ATXN7L1: variants seen among roughly 807,000 people sequenced by gnomAD.
ATXN7L1 encodes ataxin-7-like protein 1.
A neutral mutation model predicts 70.8 loss-of-function variants in ATXN7L1; 15 were observed. That is an observed-to-expected ratio of 0.21 (90% confidence interval 0.14 to 0.33). The LOEUF (loss-of-function observed/expected upper bound fraction) is 0.33, where lower values mean the gene tolerates loss of function less well. Ranked by LOEUF, ATXN7L1 falls within the 10% of genes least tolerant of loss-of-function variation. The pLI is 1.00. For synonymous variants in ATXN7L1, 440 were observed against 445.1 expected, an observed-to-expected ratio of 0.99 and a Z score of 0.14; for missense variants, 975 against 1,097.1, an observed-to-expected ratio of 0.89 and a Z score of 1.57.
At chr7:105,692,969 T>C (rs1791212721) in intron 3 of ATXN7L1, among the ~76,000 whole-genome samples, 1 of 151,874 alleles carries the variant, frequency 6.6e-6, no homozygotes, top group Non-Finnish European at 1.5e-5. Flanking sequence ...CCTCCTGCTT[T>C]GGCCTTCCAA....
At chr7:105,629,259 A>G (rs1294451705) in intron 7 of ATXN7L1, among the ~76,000 whole-genome samples, 1 of 152,166 alleles carries the variant, frequency 6.6e-6, no homozygotes, top group South Asian at 2.1e-4. Context: ...GTTGTCTAGT[A>G]TCTCCCCATT....
chr7:105,613,742 G>T (rs1562886099), intron 10 of ATXN7L1, 120 bp downstream of exon 10: 5 of 1,523,834 alleles, frequency 3.3e-6, no homozygotes, highest in Non-Finnish European at 4.4e-6. Flanking sequence ...TGCCTTCGGG[G>T]AAAACGAGAA....
Position 105,643,108 on chromosome 7 carries a change from C to T in ATXN7L1, c.592G>A (p.Val198Ile), listed in dbSNP as rs1260914886. ...TTAGGAATTTTCTCTAAACTGACTA[C>T]AGGAACTGGAACACTGAAAAATAAA... ...SRDKPCVPVPVVSLEKIPNLV... is the reference protein window; with the variant it reads ...SRDKPCVPVPIVSLEKIPNLV... The change falls in exon 5 of 12, where the codon GTA becomes ATA. Residue 198 changes from valine (V) to isoleucine (I), a missense_variant. This residue lies in a region of ATXN7L1 where 192 missense variants were observed against 215.5 expected (regional missense o/e 0.89). Transcript: ENST00000419735. 1.3e-6 allele frequency: 2 copies of T among 1,524,078 alleles called. No homozygotes were observed. The highest frequency in any genetic ancestry group is 2.5e-5 in the South Asian group (2 of 80,410). The allele number at this position is 1,524,078 out of a possible 1,614,324, so 94.4% of individuals were successfully genotyped here. A position where few individuals can be genotyped will look rare whatever the true frequency, so the allele number is the denominator to read the frequency against.
chr7:105,724,191 G>A (rs1038887262), intron 3 of ATXN7L1, among the ~76,000 whole-genome samples: 2 of 152,044 alleles, frequency 1.3e-5, no homozygotes, highest in African/African-American at 4.8e-5. Context: ...GGCTCTGAGG[G>A]AGAGCCTCTT....
intron 3 of ATXN7L1, among the ~76,000 whole-genome samples, chr7:105,680,421 TGA>T (rs776964513): frequency 6.6e-5 from 10 of 152,186 alleles, no homozygotes; most frequent in Non-Finnish European, 1.3e-4. Context: ...CCCCTCTTGT[TGA>T]GAGAGTTTCT....
intron 3 of ATXN7L1, among the ~76,000 whole-genome samples, chr7:105,742,832 AC>A (rs1346674053): frequency 6.6e-6 from 1 of 152,154 alleles, no homozygotes; most frequent in Non-Finnish European, 1.5e-5. Flanking sequence ...CCAAACACAT[AC>A]GCACAGCCTG....
At chr7:105,844,967 G>T (rs1813759196) in intron 2 of ATXN7L1, among the ~76,000 whole-genome samples, 1 of 152,130 alleles carries the variant, frequency 6.6e-6, no homozygotes, top group Non-Finnish European at 1.5e-5. Flanking sequence ...CACTTTGGGA[G>T]GCTGAGGTGG....
intron 3 of ATXN7L1, chr7:105,761,438 A>G (rs1266659203): frequency 6.2e-7 from 1 of 1,613,998 alleles, no homozygotes; most frequent in Non-Finnish European, 8.5e-7. Flanking sequence ...AGATGCCTTC[A>G]TTTCTCCTGT....
chr7:105,851,293 G>T (rs991771633), intron 2 of ATXN7L1, among the ~76,000 whole-genome samples: 12 of 152,140 alleles, frequency 7.9e-5, no homozygotes, highest in African/African-American at 2.9e-4. Flanking sequence ...CAAGCAGCAG[G>T]GCCAAGAAGT....
At chr7:105,761,258 G>T in intron 3 of ATXN7L1, 1 of 1,532,476 alleles carries the variant, frequency 6.5e-7, no homozygotes. Flanking sequence ...TGCAGTGAAT[G>T]GAAGCTTGTC....
At chr7:105,725,366 C>T (rs1795682442) in intron 3 of ATXN7L1, among the ~76,000 whole-genome samples, 1 of 152,182 alleles carries the variant, frequency 6.6e-6, no homozygotes, top group Non-Finnish European at 1.5e-5. Context: ...AATTACAGGA[C>T]TGTTGGGGGA....
chr7:105,664,845 G>A (rs1384858093), intron 4 of ATXN7L1, among the ~76,000 whole-genome samples: 2 of 151,952 alleles, frequency 1.3e-5, no homozygotes, highest in Admixed American at 1.3e-4. Flanking sequence ...GGGATTACAG[G>A]TGTGAGCGTG....
chr7:105,769,789 T>G (rs887677216), intron 3 of ATXN7L1, among the ~76,000 whole-genome samples: 13 of 152,160 alleles, frequency 8.5e-5, no homozygotes, highest in Admixed American at 5.2e-4. Flanking sequence ...GCATTTTCTT[T>G]TACCTTTTTG....
At chr7:105,713,594 G>A (rs980473730) in intron 3 of ATXN7L1, among the ~76,000 whole-genome samples, 1 of 152,256 alleles carries the variant, frequency 6.6e-6, no homozygotes, top group Non-Finnish European at 1.5e-5. Flanking sequence ...AGCAGGGCCT[G>A]AGGCCCTTAA....
At chr7:105,779,697 G>A (rs10273154) in intron 3 of ATXN7L1, among the ~76,000 whole-genome samples, 6,420 of 152,230 alleles carry the variant, frequency 0.042, 468 homozygotes, top group African/African-American at 0.15. Context: ...CTCAAAAGAT[G>A]ATATCAATAC....
rs544856313 is a variant in ATXN7L1 at position 105,819,561 on chromosome 7, G to A, written c.251-30853C>T. The A allele has an allele frequency of 1.2e-4, 154 of 1,322,414 alleles. No individual in the cohort carries two copies. In the African/African-American group the frequency reaches 1.9e-3, roughly 16 times the overall value. The allele number at this position is 1,322,414 out of a possible 1,614,324, so 81.9% of individuals were successfully genotyped here. A position where few individuals can be genotyped will look rare whatever the true frequency, so the allele number is the denominator to read the frequency against. On this transcript the variant is annotated intron_variant, in intron 2 of 11. Transcript: ENST00000419735. ...CCTGGGCCGCCTGGCGGCCATCGTG[G>A]CTAAGTAGGTACTGCTGGGCCGGAA...
chr7:105,789,645 G>A (rs1226362169), intron 2 of ATXN7L1, among the ~76,000 whole-genome samples: 4 of 152,094 alleles, frequency 2.6e-5, no homozygotes, highest in Middle Eastern at 3.2e-3. Flanking sequence ...GAGTCTTGGC[G>A]CCTCTTGGCT....
chr7:105,750,233 T>C (rs1228860050), intron 3 of ATXN7L1, among the ~76,000 whole-genome samples: 1 of 151,858 alleles, frequency 6.6e-6, no homozygotes, highest in Non-Finnish European at 1.5e-5. Context: ...CAACATACTT[T>C]GTGAGCAGTT....
chr7:105,669,111 C>T (rs1332949588), intron 3 of ATXN7L1, among the ~76,000 whole-genome samples: 1 of 152,070 alleles, frequency 6.6e-6, no homozygotes, highest in African/African-American at 2.4e-5. Context: ...TTGAGACAGT[C>T]TCGCTCTGTT....
Sources: allele counts gnomAD v4.1 joint callset (sites outside exome capture counted in the v4.1 genomes callset), GRCh38; gene constraint gnomAD v4.1.1; regional missense constraint gnomAD v4.1.1; transcripts MANE v1.5; gene names NCBI Gene and HGNC (gene_info 2026-07-23, HGNC 2026-07-21).